EEIG2: variants seen among roughly 807,000 people sequenced by gnomAD.
The protein encoded by EEIG2 is EEIG family member 2.
chr1:108,613,942 C>G, the EEIG2 span, among the ~76,000 whole-genome samples: 17 of 152,076 alleles, frequency 1.1e-4, no homozygotes, highest in Non-Finnish European at 2.4e-4. Context: ...CATGGTCACA[C>G]TCTAGAGTCT....
At chr1:108,610,159 GT>G in the EEIG2 span, among the ~76,000 whole-genome samples, 2 of 152,138 alleles carry the variant, frequency 1.3e-5, no homozygotes, top group Non-Finnish European at 2.9e-5. Context: ...GTTTTGTTTT[GT>G]TTTCTTTTGT....
the EEIG2 span, chr1:108,616,336 A>G: frequency 1.6e-6 from 2 of 1,263,922 alleles, no homozygotes; most frequent in East Asian, 2.4e-5. Flanking sequence ...TGAAGGAAGC[A>G]TTTTATAATT....
chr1:108,628,641 C>T, the EEIG2 span: 37 of 1,584,480 alleles, frequency 2.3e-5, no homozygotes, highest in African/African-American at 3.4e-4. Flanking sequence ...GTTTTCATAA[C>T]ATAATAAAAA....
chr1:108,596,744 T>G, the EEIG2 span, among the ~76,000 whole-genome samples: 1 of 152,038 alleles, frequency 6.6e-6, no homozygotes, highest in Non-Finnish European at 1.5e-5. Context: ...TCTGTTTTTT[T>G]GTTTTTTTTT....
the EEIG2 span, among the ~76,000 whole-genome samples, chr1:108,562,881 G>A: frequency 1.3e-5 from 2 of 152,018 alleles, no homozygotes; most frequent in Non-Finnish European, 2.9e-5. Flanking sequence ...AATATCTAAA[G>A]GAAGTGAATT....
the EEIG2 span, among the ~76,000 whole-genome samples, chr1:108,562,835 C>T: frequency 1.3e-5 from 2 of 151,464 alleles, no homozygotes; most frequent in East Asian, 1.9e-4. Flanking sequence ...GAGAAAGAGA[C>T]CTCATTTTAC....
chr1:108,572,438 A>G, the EEIG2 span, among the ~76,000 whole-genome samples: 1 of 151,754 alleles, frequency 6.6e-6, no homozygotes, highest in Admixed American at 6.6e-5. Flanking sequence ...CCCAAAGTTC[A>G]CAGCTTACAT....
the EEIG2 span, among the ~76,000 whole-genome samples, chr1:108,588,125 C>T: frequency 3.9e-5 from 6 of 152,060 alleles, no homozygotes; most frequent in African/African-American, 9.7e-5. Flanking sequence ...TGGACATTTA[C>T]GTTGTTTCCA....
the EEIG2 span, among the ~76,000 whole-genome samples, chr1:108,580,720 A>G: frequency 6.6e-6 from 1 of 152,184 alleles, no homozygotes; most frequent in East Asian, 1.9e-4. Flanking sequence ...CCTCAAGTCT[A>G]TGAAGTCTAA....
the EEIG2 span, among the ~76,000 whole-genome samples, chr1:108,624,445 A>AAC: frequency 9.0e-6 from 1 of 110,530 alleles, no homozygotes; most frequent in African/African-American, 3.1e-5. Context: ...AAAAAAAAAA[A>AAC]AAAACCCTTT....
the EEIG2 span, among the ~76,000 whole-genome samples, chr1:108,581,716 G>T: frequency 6.6e-6 from 1 of 152,168 alleles, no homozygotes; most frequent in African/African-American, 2.4e-5. Flanking sequence ...GGACAATGAG[G>T]TGCTTCTCTA....
chr1:108,590,933 C>A, the EEIG2 span, among the ~76,000 whole-genome samples: 16 of 152,096 alleles, frequency 1.1e-4, no homozygotes, highest in African/African-American at 3.6e-4. Context: ...TAAAGACTTT[C>A]TAGATTTTCT....
At chr1:108,560,919 A>C in the EEIG2 span, among the ~76,000 whole-genome samples, 1 of 152,222 alleles carries the variant, frequency 6.6e-6, no homozygotes, top group Non-Finnish European at 1.5e-5. Context: ...AAACTGCAGG[A>C]GTTCCAAGAG....
At chr1:108,637,715 A>C in the EEIG2 span, 1 of 152,202 alleles carries the variant, frequency 6.6e-6, no homozygotes, top group African/African-American at 2.4e-5. Flanking sequence ...AAAAAGACTA[A>C]TGGTATTTCA....
At chr1:108,596,472 C>T in the EEIG2 span, among the ~76,000 whole-genome samples, 2 of 152,062 alleles carry the variant, frequency 1.3e-5, no homozygotes, top group African/African-American at 2.4e-5. Context: ...TTAGCACAAT[C>T]GGAGGTAGAG....
the EEIG2 span, among the ~76,000 whole-genome samples, chr1:108,577,940 G>A: frequency 6.6e-6 from 1 of 151,596 alleles, no homozygotes; most frequent in African/African-American, 2.4e-5. Flanking sequence ...AGCATGGAAT[G>A]TTCTTCCGTT....
the EEIG2 span, among the ~76,000 whole-genome samples, chr1:108,610,218 G>A: frequency 4.0e-4 from 61 of 152,238 alleles, no homozygotes; most frequent in Admixed American, 2.7e-3. Flanking sequence ...TTTTGGAAAC[G>A]ATCCAGCAGA....
chr1:108,628,815 A>G, the EEIG2 span: 20 of 1,607,660 alleles, frequency 1.2e-5, no homozygotes, highest in Non-Finnish European at 1.5e-5. Context: ...GTGTGTAGGT[A>G]ACTGTTAAGC....
chr1:108,609,669 G>GA, the EEIG2 span, among the ~76,000 whole-genome samples: 1 of 152,172 alleles, frequency 6.6e-6, no homozygotes, highest in Admixed American at 6.5e-5. Flanking sequence ...AGGAGGAAAT[G>GA]AAGTTGGCCA....
Sources: allele counts gnomAD v4.1 joint callset (sites outside exome capture counted in the v4.1 genomes callset), GRCh38; gene constraint gnomAD v4.1.1; transcripts MANE v1.5; gene names NCBI Gene and HGNC (gene_info 2026-07-23, HGNC 2026-07-21).